The following SIL1 variants were observed in gnomAD, a reference collection of about 807,000 sequenced individuals.
The protein encoded by SIL1 is SIL1 nucleotide exchange factor, also known as nucleotide exchange factor SIL1.
Under a neutral mutation model 49.1 loss-of-function variants are expected in SIL1, and 40 were observed. That is an observed-to-expected ratio of 0.81 (90% CI 0.63 to 1.06). The LOEUF (loss-of-function observed/expected upper bound fraction) is 1.06. Ranked by LOEUF, SIL1 falls within the 50% of genes least tolerant of loss-of-function variation. The probability of loss-of-function intolerance (pLI) is 0.00; values close to 1 mark genes in which losing one functional copy is unlikely to be tolerated. For synonymous variants in SIL1, 253 were observed against 250.8 expected (o/e 1.01, Z -0.08); for missense variants, 500 against 572.6 (o/e 0.87, Z 1.29).
chr5:139,086,286 A>AGAAG (rs1554131610), intron 3 of SIL1, among the ~76,000 whole-genome samples: 12 of 145,222 alleles, frequency 8.3e-5, no homozygotes, highest in Admixed American at 1.4e-4. Flanking sequence ...AAAAAAAAAA[A>AGAAG]AAGAAGAAGA....
intron 3 of SIL1, among the ~76,000 whole-genome samples, chr5:139,076,419 A>C (rs1010533365): frequency 4.6e-5 from 7 of 152,256 alleles, no homozygotes; most frequent in African/African-American, 1.7e-4. Context: ...AATGGAAAAC[A>C]GAATATGTTA....
chr5:138,968,457 G>A (rs571270416), intron 7 of SIL1, among the ~76,000 whole-genome samples: 1 of 152,056 alleles, frequency 6.6e-6, no homozygotes, highest in East Asian at 1.9e-4. Flanking sequence ...GTTCCCCACC[G>A]CCTCTGCCTG....
At chr5:139,176,208 C>A (rs987990838) in intron 1 of SIL1, among the ~76,000 whole-genome samples, 1 of 152,158 alleles carries the variant, frequency 6.6e-6, no homozygotes. Context: ...TTTCCAATAA[C>A]ATGTTCCTAA....
chr5:139,041,736 G>A (rs548662563), intron 5 of SIL1, among the ~76,000 whole-genome samples: 1 of 151,684 alleles, frequency 6.6e-6, no homozygotes, highest in South Asian at 2.1e-4. Flanking sequence ...CCCAGGAGGT[G>A]GACCTTGCAG....
At chr5:139,163,238 C>G (rs148044226) in intron 1 of SIL1, among the ~76,000 whole-genome samples, 1 of 151,996 alleles carries the variant, frequency 6.6e-6, no homozygotes, top group South Asian at 2.1e-4. Context: ...GTGACGTGCT[C>G]CTTAAGAAAT....
At chr5:139,095,988 A>T (rs1770453834) in intron 3 of SIL1, among the ~76,000 whole-genome samples, 2 of 152,218 alleles carry the variant, frequency 1.3e-5, no homozygotes, top group African/African-American at 4.8e-5. Flanking sequence ...AAAACCAAAA[A>T]TCAGGTGAGC....
intron 1 of SIL1, among the ~76,000 whole-genome samples, chr5:139,147,810 A>T (rs936608486): frequency 6.6e-6 from 1 of 152,214 alleles, no homozygotes; most frequent in Non-Finnish European, 1.5e-5. Flanking sequence ...TCACACTTTA[A>T]ATATCCCCTA....
At position 139,121,274 on chromosome 5, in the gene SIL1, C is replaced by A. The variant is rs1476980608; in HGVS notation, c.106-101G>T. ...GCACGTTCTTTTCCTCCATGCCCCT[C>A]TCCCCCACAGCCTGATATGTCTGGA... On this transcript the variant is annotated intron_variant, in intron 2 of 9. Coordinates refer to ENST00000394817, the MANE Select transcript of SIL1 (RefSeq NM_022464.5). 3 of 1,502,868 alleles carry A rather than the reference C, an allele frequency of 2.0e-6. No homozygotes were observed. In the African/African-American group the frequency reaches 4.1e-5, roughly 21 times the overall value. 93.1% of individuals were successfully genotyped at this position (1,502,868 alleles called of 1,614,324 possible).
At chr5:139,014,248 T>C (rs1768348301) in intron 7 of SIL1, 1 of 151,724 alleles carries the variant, frequency 6.6e-6, no homozygotes, top group Non-Finnish European at 1.5e-5. Flanking sequence ...ACACCTGTAA[T>C]CCCAGCTACT....
chr5:138,983,616 G>A (rs185503837), intron 7 of SIL1, among the ~76,000 whole-genome samples: 5 of 151,944 alleles, frequency 3.3e-5, no homozygotes, highest in East Asian at 1.9e-4. Flanking sequence ...TTACCCATGC[G>A]ACACACAGAT....
At chr5:139,081,114 A>G (rs147166447) in intron 3 of SIL1, among the ~76,000 whole-genome samples, 3,000 of 152,316 alleles carry the variant, frequency 0.02, 32 homozygotes, top group Admixed American at 0.03. Flanking sequence ...CTGTCCTACG[A>G]CAGACATTCA....
intron 1 of SIL1, among the ~76,000 whole-genome samples, chr5:139,134,995 G>T (rs1750943546): frequency 6.6e-6 from 1 of 152,158 alleles, no homozygotes; most frequent in African/African-American, 2.4e-5. Flanking sequence ...CCCCTGACAA[G>T]GGAGAACAAC....
chr5:139,120,216 C>T (rs1375201236), intron 3 of SIL1, among the ~76,000 whole-genome samples: 3 of 152,182 alleles, frequency 2.0e-5, no homozygotes, highest in African/African-American at 7.2e-5. Context: ...CACCTTGCCA[C>T]TCCTGAGAAC....
intron 7 of SIL1, among the ~76,000 whole-genome samples, chr5:138,973,627 AT>A (rs200102872): frequency 3.3e-5 from 5 of 151,398 alleles, no homozygotes; most frequent in Non-Finnish European, 7.4e-5. Flanking sequence ...ACCTGACTAA[AT>A]TTTTTTTTAA....
chr5:139,129,443 C>T (rs544663784), intron 1 of SIL1, among the ~76,000 whole-genome samples: 14 of 152,192 alleles, frequency 9.2e-5, no homozygotes, highest in South Asian at 2.1e-4. Flanking sequence ...CCAGCCAAGG[C>T]GGGCAGATCA....
chr5:139,077,424 A>G (rs1260556508), intron 3 of SIL1, among the ~76,000 whole-genome samples: 1 of 152,122 alleles, frequency 6.6e-6, no homozygotes, highest in African/African-American at 2.4e-5. Context: ...TTTTCTTGTT[A>G]TTTTACATTT....
At chr5:139,092,926 T>A (rs780165829) in intron 3 of SIL1, among the ~76,000 whole-genome samples, 21 of 152,182 alleles carry the variant, frequency 1.4e-4, no homozygotes, top group African/African-American at 4.3e-4. Flanking sequence ...CATGAGGGCT[T>A]TGCCCTCATG....
chr5:139,054,467 T>A (rs1337915107), intron 3 of SIL1, among the ~76,000 whole-genome samples: 1 of 151,808 alleles, frequency 6.6e-6, no homozygotes, highest in African/African-American at 2.4e-5. Flanking sequence ...AAAGAGGGAA[T>A]TCCTAGCTGA....
At position 138,960,413 on chromosome 5, in the gene SIL1, CTTTTTTTTTTT is replaced by C. The variant is rs150578906; in HGVS notation, c.768-8540_768-8530del. The stretch of plus-strand genomic sequence containing the variant: ...TGTTCAAGCTGCTACAAATCTACGT[CTTTTTTTTTTT>C]TTTTTTTTTTTGATTCAGAGTCTCA... On this transcript the variant is annotated intron_variant, in intron 7 of 9. Transcript: ENST00000394817. 5.6e-5 allele frequency among the ~76,000 whole-genome samples: 7 copies of C among 124,264 alleles called. No homozygotes were observed. In the East Asian group the frequency reaches 9.2e-4, roughly 16 times the overall value. 81.5% of individuals were successfully genotyped at this position (124,264 alleles called of 152,430 possible). A position where few individuals can be genotyped will look rare whatever the true frequency, so the allele number is the denominator to read the frequency against.
Sources: allele counts gnomAD v4.1 joint callset (sites outside exome capture counted in the v4.1 genomes callset), GRCh38; gene constraint gnomAD v4.1.1; transcripts MANE v1.5; gene names NCBI Gene and HGNC (gene_info 2026-07-23, HGNC 2026-07-21).